CSMD3: variants seen among roughly 807,000 people sequenced by gnomAD.
CSMD3 encodes CUB and sushi domain-containing protein 3.
Under a neutral mutation model 435.2 loss-of-function variants are expected in CSMD3, and 177 were observed. That is an observed-to-expected ratio of 0.41 (90% confidence interval 0.36 to 0.46). The LOEUF (loss-of-function observed/expected upper bound fraction) is 0.46. Ranked by LOEUF, CSMD3 falls within the 20% of genes least tolerant of loss-of-function variation. The pLI is 0.34. For missense variants in CSMD3, 4,265 were observed against 4,504.6 expected (o/e 0.95, Z 1.52); for synonymous variants, 1,656 against 1,520.5 (o/e 1.09, Z -2.07).
chr8:113,107,060 A>G lies in CSMD3; in HGVS notation c.710-8097T>C, dbSNP rs567943115. 3.7e-3 allele frequency among the ~76,000 whole-genome samples: 561 copies of G among 152,250 alleles called. 1 individual carries two copies. In the Middle Eastern group the frequency reaches 0.037, roughly 10 times the overall value. On this transcript the variant is annotated intron_variant, in intron 4 of 70. Coordinates refer to ENST00000297405, the MANE Select transcript of CSMD3 (RefSeq NM_198123.2). ...ATGCTCCCTTCCCCCTGGGCCTTAGACAACCATGAATCCACCACAGGCTCT... is the reference window on the plus strand; with the variant it reads ...ATGCTCCCTTCCCCCTGGGCCTTAGGCAACCATGAATCCACCACAGGCTCT...
intron 42 of CSMD3, 30 bp downstream of exon 42, chr8:112,341,446 AT>A (rs764265374): frequency 7.3e-7 from 1 of 1,372,972 alleles, no homozygotes; most frequent in South Asian, 1.2e-5. Flanking sequence ...TTGGGGTTAT[AT>A]AAATTTTCAT....
intron 1 of CSMD3, among the ~76,000 whole-genome samples, chr8:113,332,991 T>G (rs2094039849): frequency 6.6e-6 from 1 of 151,746 alleles, no homozygotes; most frequent in Non-Finnish European, 1.5e-5. Context: ...AGACATTTGA[T>G]TTGAGTGTGG....
At chr8:113,284,643 G>C (rs1276092833) in intron 2 of CSMD3, among the ~76,000 whole-genome samples, 1 of 151,966 alleles carries the variant, frequency 6.6e-6, no homozygotes, top group East Asian at 1.9e-4. Context: ...TAAATTTATG[G>C]TATTTAAATA....
chr8:112,420,305 G>C (rs967035635), intron 32 of CSMD3, among the ~76,000 whole-genome samples: 3 of 151,974 alleles, frequency 2.0e-5, no homozygotes, highest in Non-Finnish European at 4.4e-5. Context: ...GTACTTTTAA[G>C]CAACTCCCCA....
At chr8:113,191,674 G>C (rs562836858) in intron 3 of CSMD3, among the ~76,000 whole-genome samples, 1 of 151,892 alleles carries the variant, frequency 6.6e-6, no homozygotes, top group South Asian at 2.1e-4. Flanking sequence ...TGGGCACCTA[G>C]GCTGATTCCA....
At chr8:112,276,238 G>T (rs1294352594) in intron 59 of CSMD3, among the ~76,000 whole-genome samples, 1 of 152,230 alleles carries the variant, frequency 6.6e-6, no homozygotes, top group African/African-American at 2.4e-5. Context: ...CAAGAGATGG[G>T]TTCCCATCAT....
intron 32 of CSMD3, among the ~76,000 whole-genome samples, chr8:112,458,752 T>C (rs1817118705): frequency 6.6e-6 from 1 of 152,086 alleles, no homozygotes; most frequent in Non-Finnish European, 1.5e-5. Context: ...GTGTGAATAC[T>C]TTCTGAGGTA....
chr8:113,293,335 A>G (rs12547383), intron 2 of CSMD3, among the ~76,000 whole-genome samples: 141,543 of 151,862 alleles, frequency 0.93, 66,059 homozygotes, highest in East Asian at 1. Context: ...AGAAACTGAG[A>G]AGTGGAGAGA....
At chr8:113,120,281 T>G (rs1242296520) in intron 4 of CSMD3, among the ~76,000 whole-genome samples, 2 of 152,094 alleles carry the variant, frequency 1.3e-5, no homozygotes, top group Admixed American at 6.6e-5. Flanking sequence ...ATTGAAATAT[T>G]TTCATTTCAT....
intron 1 of CSMD3, among the ~76,000 whole-genome samples, chr8:113,423,754 AAAATT>A (rs1195827075): frequency 6.6e-6 from 1 of 151,904 alleles, no homozygotes; most frequent in African/African-American, 2.4e-5. Flanking sequence ...GAGATTGTTG[AAAATT>A]CACCCTGAAA....
At chr8:112,669,551 A>T (rs1308841752) in intron 16 of CSMD3, among the ~76,000 whole-genome samples, 2 of 152,190 alleles carry the variant, frequency 1.3e-5, no homozygotes, top group African/African-American at 4.8e-5. Context: ...TGAAGATACT[A>T]CACTTCAAAA....
At chr8:112,595,755 CA>C (rs1288689240) in intron 22 of CSMD3, among the ~76,000 whole-genome samples, 1 of 95,878 alleles carries the variant, frequency 1.0e-5, no homozygotes, top group Non-Finnish European at 2.1e-5. Flanking sequence ...ATTTCATATC[CA>C]GCCAAACTAA....
chr8:112,276,967 A>C (rs1371192506), intron 59 of CSMD3, among the ~76,000 whole-genome samples: 1 of 151,854 alleles, frequency 6.6e-6, no homozygotes, highest in Non-Finnish European at 1.5e-5. Flanking sequence ...TTGACTCACA[A>C]AACCATTTTT....
chr8:113,290,297 A>T (rs2132525485), intron 2 of CSMD3, among the ~76,000 whole-genome samples: 1 of 151,806 alleles, frequency 6.6e-6, no homozygotes, highest in Non-Finnish European at 1.5e-5. Flanking sequence ...ATGATTAAAG[A>T]TGTTTTGATA....
At chr8:113,086,701 A>C (rs1028266141) in intron 5 of CSMD3, among the ~76,000 whole-genome samples, 5 of 152,180 alleles carry the variant, frequency 3.3e-5, no homozygotes, top group African/African-American at 4.8e-5. Context: ...TTTGCAAAAG[A>C]CATTGAAAGA....
At chr8:112,745,918 C>T (rs1313386659) in intron 13 of CSMD3, among the ~76,000 whole-genome samples, 4 of 152,010 alleles carry the variant, frequency 2.6e-5, no homozygotes, top group South Asian at 2.1e-4. Context: ...AAACATTTTG[C>T]TAATTTTTTT....
chr8:113,374,059 A>G (rs992552015), intron 1 of CSMD3, among the ~76,000 whole-genome samples: 6 of 152,016 alleles, frequency 3.9e-5, no homozygotes, highest in African/African-American at 1.2e-4. Context: ...CTCTCCACAT[A>G]TATCTAGCTA....
intron 16 of CSMD3, among the ~76,000 whole-genome samples, chr8:112,670,537 G>A (rs1432172390): frequency 6.6e-6 from 1 of 152,122 alleles, no homozygotes; most frequent in East Asian, 1.9e-4. Context: ...GGCATTATCA[G>A]ATTATGAAAT....
At position 112,747,505 on chromosome 8, in the gene CSMD3, A is replaced by G. The variant is rs577366019; in HGVS notation, c.1972+52657T>C. ...TGTGGTACCTACCAAGGGCAAAGTA[A>G]TGGGAGTGATGGTGGTATAGGCATT... On this transcript the variant is annotated intron_variant, in intron 13 of 70. Transcript: ENST00000297405. Among the ~76,000 whole-genome samples, 4 of 152,172 alleles carry G rather than the reference A, an allele frequency of 2.6e-5. No individual in the cohort carries two copies. In the East Asian group the frequency reaches 7.8e-4, roughly 30 times the overall value.
Sources: allele counts gnomAD v4.1 joint callset (sites outside exome capture counted in the v4.1 genomes callset), GRCh38; gene constraint gnomAD v4.1.1; transcripts MANE v1.5; gene names NCBI Gene and HGNC (gene_info 2026-07-23, HGNC 2026-07-21).